The following SLC5A10 variants were observed in gnomAD, a reference collection of about 807,000 sequenced individuals.
SLC5A10 encodes solute carrier family 5 member 10.
In SLC5A10, 55 loss-of-function variants were observed where a neutral mutation model predicts 68.9. The observed-to-expected ratio is 0.80, with a 90% confidence interval of 0.64 to 1.00. The LOEUF is 1.00. Among genes scored for constraint, SLC5A10 ranks in the 50% least tolerant of loss-of-function variants. The pLI, the probability that SLC5A10 is intolerant of heterozygous loss-of-function variation, is 0.00. For synonymous variants in SLC5A10, 344 were observed against 344.8 expected, an observed-to-expected ratio of 1.00 and a Z score of 0.02; for missense variants, 732 against 819.3, an observed-to-expected ratio of 0.89 and a Z score of 1.30.
At chr17:18,984,210 C>T (rs1048941641) in intron 9 of SLC5A10, among the ~76,000 whole-genome samples, 4 of 151,736 alleles carry the variant, frequency 2.6e-5, no homozygotes, top group Non-Finnish European at 2.9e-5. Context: ...GGCGTGGTGG[C>T]GGGCCCCTGT....
chr17:18,960,194 C>T (rs2042584134), intron 4 of SLC5A10, among the ~76,000 whole-genome samples: 2 of 152,230 alleles, frequency 1.3e-5, no homozygotes, highest in African/African-American at 4.8e-5. Context: ...TCACAGCCAC[C>T]TCCCTCATCC....
intron 9 of SLC5A10, among the ~76,000 whole-genome samples, chr17:19,012,335 G>T (rs955685809): frequency 6.6e-6 from 1 of 152,242 alleles, no homozygotes; most frequent in Non-Finnish European, 1.5e-5. Flanking sequence ...GCCGAGGGAT[G>T]CCTGGATTTA....
At position 19,020,320 on chromosome 17, in the gene SLC5A10, T is replaced by C. The variant is rs2044241504; in HGVS notation, c.1685-5T>C. On this transcript the variant is annotated splice_polypyrimidine_tract_variant and splice_region_variant and intron_variant, in intron 14 of 14. Coordinates refer to ENST00000395645, the MANE Select transcript of SLC5A10 (RefSeq NM_001042450.4). ...CTGTCCCTCTCCTTCTGCAACCCCC[T>C]CCAGGTGATGGCCAAACACCCCAGA... The C allele has an allele frequency of 1.1e-5, 17 of 1,614,004 alleles. No individual in the cohort carries two copies. The highest frequency in any genetic ancestry group is 1.4e-5 in the Non-Finnish European group (16 of 1,179,954).
intron 9 of SLC5A10, among the ~76,000 whole-genome samples, chr17:19,006,142 G>C (rs879335231): frequency 1.3e-5 from 2 of 152,216 alleles, no homozygotes; most frequent in African/African-American, 4.8e-5. Context: ...TTCCCCAGTA[G>C]CGACGTTTTG....
chr17:18,959,379 C>T (rs776839845), intron 3 of SLC5A10, 140 bp downstream of exon 3: 16 of 965,304 alleles, frequency 1.7e-5, no homozygotes, highest in African/African-American at 6.4e-5. Context: ...TGGGCCAAAT[C>T]GTGTCTTCAG....
rs780948937 is a variant in SLC5A10 at position 19,019,469 on chromosome 17, G to A, written c.1288G>A (p.Val430Ile). 55 of 1,611,894 alleles carry A rather than the reference G, an allele frequency of 3.4e-5. No homozygotes were observed. Among genetic ancestry groups the A allele is most frequent in the Non-Finnish European group, 4.5e-5 (53 of 1,179,942 alleles). Residue 430 changes from valine to isoleucine, a missense_variant, in exon 12 of 15, where the codon GTC (valine) becomes ATC (isoleucine). Transcript: ENST00000395645. ...LIGVSVAWIP[V>I]LQDSNSGQLF... is the part of the protein sequence containing the mutation. ...CGGCGTGAGTGTGGCCTGGATCCCCGTCCTGCAGGACTCCAACAGCGGGCA... is the reference window on the plus strand; with the variant it reads ...CGGCGTGAGTGTGGCCTGGATCCCCATCCTGCAGGACTCCAACAGCGGGCA...
rs748824165 is a variant in SLC5A10, at chr17:19,013,512, C to T, written c.1085C>T (p.Pro362Leu). The change falls in exon 10 of 15, where the codon CCC (proline) becomes CTC (leucine). Residue 362 changes from proline (P) to leucine (L), a missense_variant. By Grantham distance (98) the Pro-to-Leu change is moderately conservative. Coordinates refer to ENST00000395645, the MANE Select transcript of SLC5A10 (RefSeq NM_001042450.4). The part of the protein sequence containing the change: ...AYPKLVMELM[P>L]IGLRGLMIAV... ...CCCAAGCTGGTCATGGAACTGATGCCCATCGGTGAGGCTGTGTGGGTGGGG... is the reference window on the plus strand; with the variant it reads ...CCCAAGCTGGTCATGGAACTGATGCTCATCGGTGAGGCTGTGTGGGTGGGG... 2.1e-5 allele frequency: 34 copies of T among 1,585,928 alleles called. No individual in the cohort carries two copies. The highest frequency in any genetic ancestry group is 4.2e-5 in the African/African-American group (3 of 72,220).
At chr17:19,007,045 C>T (rs183248521) in intron 9 of SLC5A10, among the ~76,000 whole-genome samples, 2 of 152,276 alleles carry the variant, frequency 1.3e-5, no homozygotes, top group Non-Finnish European at 2.9e-5. Context: ...GCATAAGTGC[C>T]CAAGAGTGTT....
chr17:19,020,042 G>A lies in SLC5A10; in HGVS notation c.1627-113G>A, dbSNP rs538090554. The A allele has an allele frequency of 7.3e-5, 104 of 1,433,004 alleles. No homozygotes were observed. In the African/African-American group the frequency reaches 9.6e-4, roughly 13 times the overall value. 88.8% of individuals were successfully genotyped at this position (1,433,004 alleles called of 1,614,324 possible). On this transcript the variant is annotated intron_variant, in intron 13 of 14. Transcript: ENST00000395645. ...TTCTAGCCCTGGACTACCTAGCCCC[G>A]TCCCTTTTTGAACTCAGCTGCCATC...
intron 9 of SLC5A10, chr17:18,979,512 A>C: frequency 1.2e-6 from 2 of 1,608,796 alleles, no homozygotes; most frequent in Non-Finnish European, 1.7e-6. Context: ...AGCCAGAGGT[A>C]CCTCTCGCAC....
At chr17:18,982,598 CG>C (rs1419296448) in intron 9 of SLC5A10, among the ~76,000 whole-genome samples, 1 of 152,140 alleles carries the variant, frequency 6.6e-6, no homozygotes, top group Admixed American at 6.5e-5. Flanking sequence ...GGAGGACGGC[CG>C]GGTGGTGCTT....
intron 9 of SLC5A10, chr17:18,979,179 C>T: frequency 2.1e-6 from 1 of 481,034 alleles, no homozygotes; most frequent in Admixed American, 3.5e-5. Flanking sequence ...TGCGTCTATG[C>T]TGCCACCAAC....
chr17:18,988,289 C>T, intron 9 of SLC5A10: 1 of 1,614,030 alleles, frequency 6.2e-7, no homozygotes. Context: ...CACACATGTG[C>T]AGGAAGTACT....
intron 9 of SLC5A10, among the ~76,000 whole-genome samples, chr17:18,991,760 C>T (rs1238002879): frequency 6.6e-6 from 1 of 152,204 alleles, no homozygotes; most frequent in Non-Finnish European, 1.5e-5. Context: ...TCTGCGCAGG[C>T]CACACAGCCC....
In SLC5A10 at chr17:19,011,073, A is replaced by G. The variant is rs1265616109; in HGVS notation, c.983-2337A>G. Reference sequence around the variant, plus strand: ...TCTCTTCTGGGCCCGGCCCTGGACCAGGCGATACCTGGGACTTGGAGATGA... The same window carrying G: ...TCTCTTCTGGGCCCGGCCCTGGACCGGGCGATACCTGGGACTTGGAGATGA... On this transcript the variant is annotated intron_variant, in intron 9 of 14. Transcript: ENST00000395645. Among the ~76,000 whole-genome samples, 3 of 152,202 alleles carry G rather than the reference A, an allele frequency of 2.0e-5. No individual in the cohort carries two copies. The East Asian group carries it at 5.8e-4, about 29-fold the overall frequency.
In SLC5A10 at chr17:19,003,411, C is replaced by G. The variant is rs531881852; in HGVS notation, c.983-9999C>G. Reference sequence around the variant, plus strand: ...GGCAGCCAGGGAAAACAGCAGAGATCCCTAGAAGCCCATGTTGGGCTCCCG... The same window carrying G: ...GGCAGCCAGGGAAAACAGCAGAGATGCCTAGAAGCCCATGTTGGGCTCCCG... On this transcript the variant is annotated intron_variant, in intron 9 of 14. Transcript: ENST00000395645. The surrounding 1 kb of genome is among the most constrained non-coding windows in gnomAD (Gnocchi z 4.5). The G allele has an allele frequency of 2.3e-4, 277 of 1,199,204 alleles. 1 individual carries two copies. The highest frequency in any genetic ancestry group is 1.5e-3 in the Admixed American group (45 of 29,040). 74.3% of individuals were successfully genotyped at this position (1,199,204 alleles called of 1,614,324 possible).
chr17:18,958,995 C>T (rs966632788), intron 2 of SLC5A10, 140 bp from the exon 3 acceptor site: 8 of 842,770 alleles, frequency 9.5e-6, no homozygotes, highest in Middle Eastern at 2.9e-4. Context: ...ATGGGTAGAA[C>T]ACACACCCTG....
chr17:19,008,779 G>T (rs947753639), intron 9 of SLC5A10, among the ~76,000 whole-genome samples: 1 of 150,172 alleles, frequency 6.7e-6, no homozygotes, highest in Non-Finnish European at 1.5e-5. Context: ...GATTACAGGC[G>T]TGAGCCACCG....
At chr17:18,982,764 G>A (rs1004354425) in intron 9 of SLC5A10, among the ~76,000 whole-genome samples, 2 of 152,222 alleles carry the variant, frequency 1.3e-5, no homozygotes, top group African/African-American at 2.4e-5. Flanking sequence ...AGGCAGAGGG[G>A]GCTGAGCCCA....
Sources: gnomAD v4.1 joint callset for allele counts (sites outside exome capture counted in the v4.1 genomes callset) on GRCh38, gnomAD v4.1.1 for gene constraint, Gnocchi (gnomAD v3.1) non-coding constraint, MANE v1.5 for transcripts, NCBI Gene and HGNC (gene_info 2026-07-23, HGNC 2026-07-21) for gene names.